Variants in TTC28 observed in about 807,000 individuals in gnomAD.
The protein encoded by TTC28 is tetratricopeptide repeat domain 28, also known as tetratricopeptide repeat protein 28.
A neutral mutation model predicts 198.0 loss-of-function variants in TTC28; 61 were observed. That is an observed-to-expected ratio of 0.31 (90% CI 0.25 to 0.38). The LOEUF is 0.38. TTC28 is among the 10% of genes least tolerant of loss of function. The pLI is 1.00. For missense variants in TTC28, 2,678 were observed against 3,164.0 expected, an observed-to-expected ratio of 0.85 and a Z score of 3.69; for synonymous variants, 1,171 against 1,297.8, an observed-to-expected ratio of 0.90 and a Z score of 2.10.
intron 2 of TTC28, among the ~76,000 whole-genome samples, chr22:28,422,563 C>G (rs756000623): frequency 7.9e-5 from 12 of 151,848 alleles, no homozygotes; most frequent in Non-Finnish European, 1.8e-4. Flanking sequence ...CTCAGCCTCC[C>G]GAGTAGCTGG....
At chr22:28,632,105 A>G (rs1055768645) in intron 1 of TTC28, among the ~76,000 whole-genome samples, 2 of 152,066 alleles carry the variant, frequency 1.3e-5, no homozygotes, top group Non-Finnish European at 2.9e-5. Context: ...AAAATTCCCC[A>G]AAGAAAGGAA....
intron 6 of TTC28, among the ~76,000 whole-genome samples, chr22:28,142,072 A>G (rs952849310): frequency 6.6e-5 from 10 of 152,254 alleles, no homozygotes; most frequent in Admixed American, 5.2e-4. Flanking sequence ...ATCTCGTTTC[A>G]TCTGGGTTTA....
At chr22:28,606,598 T>G (rs2050740431) in intron 2 of TTC28, among the ~76,000 whole-genome samples, 1 of 152,158 alleles carries the variant, frequency 6.6e-6, no homozygotes, top group Non-Finnish European at 1.5e-5. Context: ...ATAATTTTTA[T>G]TGTTTGAAAT....
At chr22:28,248,837 A>T (rs1601529314) in intron 5 of TTC28, among the ~76,000 whole-genome samples, 1 of 152,230 alleles carries the variant, frequency 6.6e-6, no homozygotes, top group South Asian at 2.1e-4. Flanking sequence ...TTTTCCACAT[A>T]ATAAGAACAA....
At chr22:28,219,417 G>A (rs532666537) in intron 5 of TTC28, among the ~76,000 whole-genome samples, 3 of 151,894 alleles carry the variant, frequency 2.0e-5, no homozygotes, top group South Asian at 2.1e-4. Context: ...GCTGAGACAC[G>A]AGAATCGCTT....
intron 2 of TTC28, among the ~76,000 whole-genome samples, chr22:28,618,568 G>A (rs2050939666): frequency 6.6e-6 from 1 of 151,688 alleles, no homozygotes; most frequent in South Asian, 2.1e-4. Flanking sequence ...TGTAATCCCA[G>A]CTACTGGGGA....
At chr22:28,016,816 G>A (rs1300477519) in intron 13 of TTC28, among the ~76,000 whole-genome samples, 1 of 152,170 alleles carries the variant, frequency 6.6e-6, no homozygotes, top group Non-Finnish European at 1.5e-5. Flanking sequence ...TCCAAAGCTT[G>A]GCTACTTACT....
chr22:28,030,234 C>G lies in TTC28; in HGVS notation c.4065G>C (p.Leu1355=), dbSNP rs997849519. 1.3e-6 allele frequency: 2 copies of G among 1,551,718 alleles called. No homozygotes were observed. Among genetic ancestry groups the G allele is most frequent in the East Asian group, 4.9e-5 (2 of 40,922 alleles). ...GFLRMVRRNN[L]FNRSCQSMTS... is the part of the protein sequence containing the mutation. Reference sequence around the variant, plus strand: ...AAGCGCCCCACACTCACCTGTTAAACAGGTTATTGCGGCGAACCATCCGCA... The same window carrying G: ...AAGCGCCCCACACTCACCTGTTAAAGAGGTTATTGCGGCGAACCATCCGCA... Residue 1355 remains leucine (L), a synonymous_variant, in exon 13 of 23, where the codon CTG becomes CTC. Coordinates refer to ENST00000397906, the MANE Select transcript of TTC28 (RefSeq NM_001145418.2).
At position 28,674,265 on chromosome 22, in the gene TTC28, G is replaced by GTTTT. The variant is rs943369337; in HGVS notation, c.102+5353_102+5356dup. ...TTCTGTTTGTGGTTTTTTCTTTGTG[G>GTTTT]TTTTTTTTTTTTTTTTTTTTGGTCT... On this transcript the variant is annotated intron_variant, in intron 1 of 22. Transcript: ENST00000397906. Among the ~76,000 whole-genome samples, 13 of 107,652 alleles carry GTTTT rather than the reference G, an allele frequency of 1.2e-4. 2 individuals carry two copies. Among genetic ancestry groups the GTTTT allele is most frequent in the African/African-American group, 2.1e-4 (6 of 29,166 alleles). The allele number at this position is 107,652 out of a possible 152,430, so 70.6% of individuals were successfully genotyped here. A position where few individuals can be genotyped will look rare whatever the true frequency, so the allele number is the denominator to read the frequency against.
intron 2 of TTC28, among the ~76,000 whole-genome samples, chr22:28,395,857 T>A (rs1601335254): frequency 6.6e-6 from 1 of 152,234 alleles, no homozygotes. Flanking sequence ...AACTATGGCT[T>A]ATCTTTCATC....
chr22:28,540,371 T>C (rs1243096390), intron 2 of TTC28, among the ~76,000 whole-genome samples: 1 of 152,162 alleles, frequency 6.6e-6, no homozygotes, highest in African/African-American at 2.4e-5. Flanking sequence ...TGACCTGGTC[T>C]CACAAGAACT....
At chr22:28,652,852 C>T (rs1200027284) in intron 1 of TTC28, among the ~76,000 whole-genome samples, 4 of 152,132 alleles carry the variant, frequency 2.6e-5, no homozygotes, top group African/African-American at 9.7e-5. Flanking sequence ...TTACCATTTG[C>T]CCAACTGATC....
chr22:28,285,369 G>A (rs1025886791), intron 5 of TTC28, among the ~76,000 whole-genome samples: 3 of 152,094 alleles, frequency 2.0e-5, no homozygotes, highest in African/African-American at 7.2e-5. Context: ...CAAACTCATC[G>A]AAGCAGAGAG....
intron 2 of TTC28, among the ~76,000 whole-genome samples, chr22:28,314,071 GACAA>G (rs1255941124): frequency 3.3e-5 from 5 of 152,070 alleles, no homozygotes; most frequent in Non-Finnish European, 5.9e-5. Flanking sequence ...ACCAATAACA[GACAA>G]ACAGAGAGCC....
At chr22:28,197,166 C>G (rs1925438456) in intron 5 of TTC28, among the ~76,000 whole-genome samples, 1 of 150,236 alleles carries the variant, frequency 6.7e-6, no homozygotes, top group Admixed American at 6.7e-5. Context: ...CAAACTATCG[C>G]AAGGACAAAA....
At chr22:28,053,780 G>A (rs1940173903) in intron 12 of TTC28, among the ~76,000 whole-genome samples, 1 of 151,938 alleles carries the variant, frequency 6.6e-6, no homozygotes, top group Admixed American at 6.6e-5. Flanking sequence ...TAGAGAAAGG[G>A]AAAACAAGGA....
At chr22:28,530,507 T>G (rs2049110064) in intron 2 of TTC28, among the ~76,000 whole-genome samples, 1 of 152,174 alleles carries the variant, frequency 6.6e-6, no homozygotes, top group African/African-American at 2.4e-5. Context: ...CCAGGAGAAC[T>G]TCCCCAACCT....
intron 2 of TTC28, among the ~76,000 whole-genome samples, chr22:28,455,940 A>G (rs2047852639): frequency 6.6e-6 from 1 of 151,982 alleles, no homozygotes; most frequent in Admixed American, 6.6e-5. Context: ...TGGGGGGATC[A>G]CAAGGTCAGG....
intron 2 of TTC28, among the ~76,000 whole-genome samples, chr22:28,593,813 G>T (rs1048115362): frequency 6.6e-6 from 1 of 152,106 alleles, no homozygotes; most frequent in African/African-American, 2.4e-5. Context: ...CACAGACCCA[G>T]AGGATTTTTC....
Sources: gnomAD v4.1 joint callset for allele counts (sites outside exome capture counted in the v4.1 genomes callset) on GRCh38, gnomAD v4.1.1 for gene constraint, MANE v1.5 for transcripts, NCBI Gene and HGNC (gene_info 2026-07-23, HGNC 2026-07-21) for gene names.